The following GJB6 variants were observed in gnomAD, a reference collection of about 807,000 sequenced individuals.
GJB6 encodes gap junction protein beta 6.
A neutral mutation model predicts 5.4 loss-of-function variants in GJB6; 5 were observed. The ratio of observed to expected loss-of-function variants is 0.92; its 90% CI spans 0.48 to 1.93. The LOEUF (loss-of-function observed/expected upper bound fraction) is 1.93. GJB6 is among the 30% of genes most tolerant of loss of function. The pLI is 0.01. For synonymous variants in GJB6, 136 were observed against 129.6 expected, an observed-to-expected ratio of 1.05 and a Z score of -0.34; for missense variants, 298 against 326.9, an observed-to-expected ratio of 0.91 and a Z score of 0.68.
chr13:20,229,446 C>G (rs151068423), intron 4 of GJB6, 134 bp downstream of exon 4: 2 of 151,174 alleles, frequency 1.3e-5, no homozygotes, highest in East Asian at 3.9e-4. Context: ...TGAGCCATCG[C>G]GCCTGGCCAT....
In GJB6 at chr13:20,223,012, G is replaced by C. The variant is rs755468835; in HGVS notation, c.469C>G (p.Leu157Val). The change falls in exon 5 of 5, where the codon CTT becomes GTT. Residue 157 changes from leucine (L) to valine (V), a missense_variant. Physicochemically the swap from Leu to Val is conservative, Grantham distance 32. Transcript: ENST00000647029. ...CAGGGCAGGTGGTACCCATTGTAAAGGAAGTAAAACACATACATAAAGGCT... is the reference window on the plus strand; with the variant it reads ...CAGGGCAGGTGGTACCCATTGTAAACGAAGTAAAACACATACATAAAGGCT... ...EAAFMYVFYF[L>V]YNGYHLPWVL... The C allele has an allele frequency of 6.2e-7, 1 of 1,614,174 alleles. No individual in the cohort carries two copies. Among genetic ancestry groups the C allele is most frequent in the Non-Finnish European group, 8.5e-7 (1 of 1,180,014 alleles).
chr13:20,227,159 A>G (rs1869644185), intron 4 of GJB6, among the ~76,000 whole-genome samples: 1 of 152,106 alleles, frequency 6.6e-6, no homozygotes, highest in Non-Finnish European at 1.5e-5. Context: ...AACAGGGACA[A>G]TTATAAGGGC....
chr13:20,226,447 T>G (rs967598918), intron 4 of GJB6, among the ~76,000 whole-genome samples: 8 of 152,322 alleles, frequency 5.3e-5, no homozygotes, highest in African/African-American at 1.9e-4. Context: ...AATTAAAGTG[T>G]ATGTACTAAT....
At chr13:20,231,558 C>T (rs2137360450) in intron 1 of GJB6, 53 bp from the exon 2 acceptor site, 1 of 152,348 alleles carries the variant, frequency 6.6e-6, no homozygotes, top group East Asian at 1.9e-4. Flanking sequence ...CTATTGTCAT[C>T]AGCATTTCAC....
chr13:20,226,574 A>G (rs1293002543), intron 4 of GJB6, among the ~76,000 whole-genome samples: 1 of 152,246 alleles, frequency 6.6e-6, no homozygotes, highest in Non-Finnish European at 1.5e-5. Context: ...AATTAATTTT[A>G]TTCTCAGATG....
At chr13:20,224,833 C>T (rs957892596) in intron 4 of GJB6, among the ~76,000 whole-genome samples, 8 of 152,282 alleles carry the variant, frequency 5.3e-5, no homozygotes, top group African/African-American at 1.9e-4. Flanking sequence ...CACCAAAGTC[C>T]TTCTCTTCAC....
chr13:20,228,570 G>A (rs1039976331), intron 4 of GJB6, among the ~76,000 whole-genome samples: 6 of 150,604 alleles, frequency 4.0e-5, no homozygotes, highest in Admixed American at 6.6e-5. Context: ...TGCAAGCTCC[G>A]CCTCCCGGGT....
chr13:20,232,221 G>C lies in GJB6; in HGVS notation c.-447C>G, dbSNP rs144766287. The C allele has an allele frequency of 1.3e-5, 2 of 152,102 alleles. No homozygotes were observed. The highest frequency in any genetic ancestry group is 4.1e-4 in the South Asian group (2 of 4,830). 9.4% of individuals were successfully genotyped at this position (152,102 alleles called of 1,614,324 possible). A position where few individuals can be genotyped will look rare whatever the true frequency, so the allele number is the denominator to read the frequency against. ...GCTCTGCGGCCGGCGGCCCTGGCGC[G>C]GGCTCTGCGCGGGGCGGCGCCCTTC... is the stretch of plus-strand genomic sequence containing the variant. On this transcript the variant is annotated 5_prime_UTR_variant, in exon 1 of 5. Transcript: ENST00000647029.
At chr13:20,231,983 G>A (rs908025922) in intron 1 of GJB6, 1 of 152,324 alleles carries the variant, frequency 6.6e-6, no homozygotes, top group African/African-American at 2.4e-5. Flanking sequence ...GCAGATCGGG[G>A]GCCCGGTCGC....
chr13:20,230,074 G>C (rs1869981306), intron 3 of GJB6: 1 of 151,822 alleles, frequency 6.6e-6, no homozygotes, highest in South Asian at 2.1e-4. Flanking sequence ...CCAAATCAGT[G>C]GTTTAAAAAA....
intron 4 of GJB6, among the ~76,000 whole-genome samples, chr13:20,227,276 T>G (rs1869652379): frequency 1.3e-5 from 2 of 152,152 alleles, no homozygotes; most frequent in South Asian, 4.1e-4. Context: ...TGTTTCACAA[T>G]GCGCGCTTCT....
Position 20,222,583 on chromosome 13 carries a change from T to C in GJB6, c.*112A>G, listed in dbSNP as rs1593362374. 5 of 864,950 alleles carry C rather than the reference T, an allele frequency of 5.8e-6. No homozygotes were observed. The highest frequency in any genetic ancestry group is 2.4e-5 in the East Asian group (1 of 41,456). 53.6% of individuals were successfully genotyped at this position (864,950 alleles called of 1,614,324 possible). ...AGTTAACTCAAGTGTCTATTTATTA[T>C]GAAAGTCATTTACAAACTCTTCAGG... is the stretch of plus-strand genomic sequence containing the variant. On this transcript the variant is annotated 3_prime_UTR_variant, in exon 5 of 5. Transcript: ENST00000647029.
intron 4 of GJB6, among the ~76,000 whole-genome samples, chr13:20,229,123 C>CAAAAA (rs5802041): frequency 6.6e-4 from 29 of 43,858 alleles, no homozygotes; most frequent in African/African-American, 2.4e-3. Flanking sequence ...TGTCATTTAG[C>CAAAAA]AAAAAAAAAA....
At chr13:20,228,687 T>G (rs1402116190) in intron 4 of GJB6, among the ~76,000 whole-genome samples, 1 of 35,790 alleles carries the variant, frequency 2.8e-5, no homozygotes, top group Non-Finnish European at 1.1e-4. Context: ...GGTTTCACCG[T>G]GTTAGCCAGG....
intron 4 of GJB6, among the ~76,000 whole-genome samples, chr13:20,226,889 G>C (rs1273930858): frequency 1.3e-5 from 2 of 152,184 alleles, no homozygotes; most frequent in Non-Finnish European, 2.9e-5. Flanking sequence ...CAGCAGGTGA[G>C]ACAGCTGTGT....
chr13:20,232,161 C>G (rs1454362056), intron 1 of GJB6, 33 bp downstream of exon 1: 1 of 152,098 alleles, frequency 6.6e-6, no homozygotes, highest in Non-Finnish European at 1.5e-5. Context: ...CCGCTCGCCC[C>G]CCGCAAGACC....
At chr13:20,227,006 G>A (rs148918056) in intron 4 of GJB6, among the ~76,000 whole-genome samples, 2,102 of 152,224 alleles carry the variant, frequency 0.014, 34 homozygotes, top group African/African-American at 0.047. Context: ...AGGGGGACAT[G>A]GCCTGGATGA....
chr13:20,224,890 G>A (rs1409773684), intron 4 of GJB6, among the ~76,000 whole-genome samples: 1 of 152,132 alleles, frequency 6.6e-6, no homozygotes, highest in Non-Finnish European at 1.5e-5. Context: ...ACACCTGTCA[G>A]CCTCCCCTTC....
chr13:20,223,044 A>G lies in GJB6; in HGVS notation c.437T>C (p.Phe146Ser). The change falls in exon 5 of 5, where the codon TTT (phenylalanine) becomes TCT (serine). Residue 146 changes from phenylalanine (F) to serine (S), a missense_variant. By Grantham distance (155) the Phe-to-Ser change is radical (BLOSUM62 -2). Transcript: ENST00000647029. ...AAACACATACATAAAGGCTGCTTCA[A>G]AGATGATTCGGAAAAAGATGCTGCT... ...YTSSIFFRII[F>S]EAAFMYVFYF... 1 of 1,614,216 alleles carries G rather than the reference A, an allele frequency of 6.2e-7. No individual in the cohort carries two copies. Among genetic ancestry groups the G allele is most frequent in the Non-Finnish European group, 8.5e-7 (1 of 1,180,016 alleles).
Sources: allele counts gnomAD v4.1 joint callset (sites outside exome capture counted in the v4.1 genomes callset), GRCh38; gene constraint gnomAD v4.1.1; transcripts MANE v1.5; gene names NCBI Gene and HGNC (gene_info 2026-07-23, HGNC 2026-07-21).